The following TBC1D5 variants were observed in gnomAD, a reference collection of about 807,000 sequenced individuals.
TBC1D5 encodes TBC1 domain family member 5.
A neutral mutation model predicts 100.3 loss-of-function variants in TBC1D5; 75 were observed. That is an observed-to-expected ratio of 0.75 (90% CI 0.62 to 0.91). The LOEUF is 0.91. Among genes scored for constraint, TBC1D5 ranks in the 40% least tolerant of loss-of-function variants. TBC1D5 has a pLI of 0.00. For missense variants in TBC1D5, 910 were observed against 942.4 expected (o/e 0.97, Z 0.45); for synonymous variants, 323 against 325.6 (o/e 0.99, Z 0.09).
chr3:17,341,313 C>T (rs139913472), intron 13 of TBC1D5, among the ~76,000 whole-genome samples: 3,416 of 152,226 alleles, frequency 0.022, 124 homozygotes, highest in African/African-American at 0.077. Context: ...TCTCCGGCCT[C>T]AGCCTCCCGA....
intron 13 of TBC1D5, among the ~76,000 whole-genome samples, chr3:17,320,207 T>C (rs545622046): frequency 7.9e-5 from 12 of 152,364 alleles, no homozygotes; most frequent in African/African-American, 2.9e-4. Flanking sequence ...AGAATGGCAC[T>C]GAGTTATTTC....
chr3:17,285,344 T>G (rs2081071331), intron 15 of TBC1D5, among the ~76,000 whole-genome samples: 1 of 136,484 alleles, frequency 7.3e-6, no homozygotes, highest in East Asian at 2.7e-4. Context: ...CACTGCAAGC[T>G]CCGCCTCCCG....
intron 2 of TBC1D5, among the ~76,000 whole-genome samples, chr3:17,549,930 A>AAATAAT (rs538869359): frequency 2.7e-5 from 4 of 150,102 alleles, no homozygotes; most frequent in African/African-American, 9.8e-5. Flanking sequence ...ACTCTGTCTA[A>AAATAAT]AATAATAATA....
At chr3:17,621,558 A>G (rs1439966238) in intron 2 of TBC1D5, among the ~76,000 whole-genome samples, 1 of 152,216 alleles carries the variant, frequency 6.6e-6, no homozygotes, top group African/African-American at 2.4e-5. Flanking sequence ...CAAAAGCTCT[A>G]TGACTTCTAA....
At chr3:17,672,083 C>T (rs2153786840) in intron 1 of TBC1D5, among the ~76,000 whole-genome samples, 1 of 152,316 alleles carries the variant, frequency 6.6e-6, no homozygotes, top group Non-Finnish European at 1.5e-5. Flanking sequence ...CATAAATTGA[C>T]AGCTTTCTCT....
chr3:17,587,718 AATTAT>A (rs1239439827), intron 2 of TBC1D5, among the ~76,000 whole-genome samples: 2 of 152,034 alleles, frequency 1.3e-5, no homozygotes, highest in African/African-American at 4.8e-5. Context: ...TACTTTTCTG[AATTAT>A]ATTATACATA....
At chr3:17,309,773 A>G (rs2083792125) in intron 13 of TBC1D5, among the ~76,000 whole-genome samples, 1 of 152,134 alleles carries the variant, frequency 6.6e-6, no homozygotes, top group Non-Finnish European at 1.5e-5. Context: ...CTGATCTTGC[A>G]AAGAGTACCA....
chr3:17,738,399 A>ACTCT (rs1307393947), intron 1 of TBC1D5, among the ~76,000 whole-genome samples: 2 of 151,112 alleles, frequency 1.3e-5, no homozygotes, highest in East Asian at 1.9e-4. Flanking sequence ...ACACACACAC[A>ACTCT]CACTCTCTCT....
chr3:17,619,810 T>C (rs182156563), intron 2 of TBC1D5, among the ~76,000 whole-genome samples: 55 of 152,312 alleles, frequency 3.6e-4, no homozygotes, highest in Non-Finnish European at 7.4e-4. Context: ...ATTTGCAACA[T>C]ATATCACAGA....
chr3:17,560,631 G>C (rs1006579450), intron 2 of TBC1D5, among the ~76,000 whole-genome samples: 6 of 150,080 alleles, frequency 4.0e-5, no homozygotes, highest in African/African-American at 1.5e-4. Flanking sequence ...AAAAAAAAAG[G>C]GGGGGTGGGG....
chr3:17,379,225 A>G (rs896770029), intron 9 of TBC1D5, among the ~76,000 whole-genome samples: 1 of 152,014 alleles, frequency 6.6e-6, no homozygotes, highest in Non-Finnish European at 1.5e-5. Flanking sequence ...TAACTTGAGG[A>G]GAGTATTTTT....
chr3:17,736,629 G>C (rs1368920378), intron 1 of TBC1D5, among the ~76,000 whole-genome samples: 3 of 152,126 alleles, frequency 2.0e-5, no homozygotes, highest in African/African-American at 7.2e-5. Context: ...CCCATCCCAG[G>C]ATGGCAAGAG....
At chr3:17,601,267 T>A (rs574690397) in intron 2 of TBC1D5, among the ~76,000 whole-genome samples, 3 of 152,274 alleles carry the variant, frequency 2.0e-5, no homozygotes, top group Admixed American at 2.0e-4. Context: ...TCCCAGCACT[T>A]TGGGAGGCCC....
intron 4 of TBC1D5, among the ~76,000 whole-genome samples, chr3:17,413,713 C>A (rs1281231799): frequency 6.6e-6 from 1 of 152,032 alleles, no homozygotes; most frequent in African/African-American, 2.4e-5. Context: ...ATCATTGTCC[C>A]AAATGGTGAT....
intron 17 of TBC1D5, among the ~76,000 whole-genome samples, chr3:17,222,025 C>T (rs1035762087): frequency 5.3e-5 from 8 of 152,188 alleles, no homozygotes; most frequent in African/African-American, 9.6e-5. Context: ...TATTCTTGAT[C>T]GGACTTACTG....
intron 1 of TBC1D5, among the ~76,000 whole-genome samples, chr3:17,637,620 A>C (rs1203772839): frequency 6.6e-6 from 1 of 151,528 alleles, no homozygotes; most frequent in Non-Finnish European, 1.5e-5. Flanking sequence ...AAAAGTGAAC[A>C]AAAAAAAAGT....
At chr3:17,178,576 T>C (rs2068077619) in intron 19 of TBC1D5, among the ~76,000 whole-genome samples, 1 of 152,216 alleles carries the variant, frequency 6.6e-6, no homozygotes, top group African/African-American at 2.4e-5. Context: ...TTTTAGTTTT[T>C]AGGAACCTCC....
At chr3:17,530,152 G>A (rs2096200312) in intron 2 of TBC1D5, among the ~76,000 whole-genome samples, 2 of 150,512 alleles carry the variant, frequency 1.3e-5, no homozygotes, top group South Asian at 4.2e-4. Context: ...GCTAAGGAAG[G>A]AGAATCACTT....
chr3:17,238,112 C>G, intron 17 of TBC1D5, 51 bp downstream of exon 17: 1 of 1,556,660 alleles, frequency 6.4e-7, no homozygotes, highest in Non-Finnish European at 8.7e-7. Context: ...TGAAGAAATC[C>G]CAGGCTACAC....
Sources: gnomAD v4.1 joint callset for allele counts (sites outside exome capture counted in the v4.1 genomes callset) on GRCh38, gnomAD v4.1.1 for gene constraint, MANE v1.5 for transcripts, NCBI Gene and HGNC (gene_info 2026-07-23, HGNC 2026-07-21) for gene names.